Variants in ENOX1 observed in about 807,000 individuals in gnomAD.
The protein encoded by ENOX1 is candidate growth-related and time keeping constitutive hydroquinone (NADH) oxidase.
In ENOX1, 42 loss-of-function variants were observed where a neutral mutation model predicts 82.5. That is an observed-to-expected ratio of 0.51 (90% CI 0.40 to 0.66). The LOEUF (loss-of-function observed/expected upper bound fraction) is 0.66. ENOX1 is among the 30% of genes least tolerant of loss of function. ENOX1 has a pLI of 0.00. For synonymous variants in ENOX1, 271 were observed against 282.2 expected, an observed-to-expected ratio of 0.96 and a Z score of 0.40; for missense variants, 608 against 811.6, an observed-to-expected ratio of 0.75 and a Z score of 3.05.
intron 2 of ENOX1, among the ~76,000 whole-genome samples, chr13:43,649,041 TG>T (rs1308300012): frequency 6.6e-6 from 1 of 152,140 alleles, no homozygotes; most frequent in Non-Finnish European, 1.5e-5. Context: ...ATGACAAAAA[TG>T]TCAAAGCGTG....
chr13:43,233,184 G>A (rs746746326), intron 15 of ENOX1, among the ~76,000 whole-genome samples: 2 of 152,108 alleles, frequency 1.3e-5, no homozygotes, highest in African/African-American at 2.4e-5. Flanking sequence ...ACCCTGCAAT[G>A]CCCCCATAAA....
In ENOX1 at chr13:43,298,356, C is replaced by T; in HGVS notation, c.1436G>A (p.Gly479Asp). 2 of 1,608,168 alleles carry T rather than the reference C, an allele frequency of 1.2e-6. No homozygotes were observed. Among genetic ancestry groups the T allele is most frequent in the Admixed American group, 1.7e-5 (1 of 59,452 alleles). The change falls in exon 12 of 17, where the codon GGC (glycine) becomes GAC (aspartate). Residue 479 changes from glycine (G) to aspartate (D), a missense_variant. Transcript: ENST00000690772. ...QLQFLQQTMQ[G>D]MQQQLLTIQE... ...ATCTGGGCCAGGTACCTGCTGCATGCCTTGCATGGTTTGCTGCAGAAACTG... is the reference window on the plus strand; with the variant it reads ...ATCTGGGCCAGGTACCTGCTGCATGTCTTGCATGGTTTGCTGCAGAAACTG...
Position 43,389,328 on chromosome 13 carries a change from C to CA in ENOX1, c.208+22587dup, listed in dbSNP as rs1330006636. Among the ~76,000 whole-genome samples the CA allele has an allele frequency of 1.7e-4, 26 of 152,066 alleles. 1 individual carries two copies. Among genetic ancestry groups the CA allele is most frequent in the Admixed American group, 1.7e-3 (26 of 15,262 alleles). On this transcript the variant is annotated intron_variant, in intron 5 of 16. Transcript: ENST00000690772. ...GCTCAAAGACTACCAACAGAGTAGT[C>CA]AAAGTAATGGAAGCAGATGTGTGAT...
intron 1 of ENOX1, among the ~76,000 whole-genome samples, chr13:43,735,158 G>A (rs142827493): frequency 2.0e-5 from 3 of 152,266 alleles, no homozygotes; most frequent in African/African-American, 7.2e-5. Flanking sequence ...ATATTACCAT[G>A]TTATAAAATC....
At chr13:43,397,429 C>A (rs2153586632) in intron 5 of ENOX1, among the ~76,000 whole-genome samples, 1 of 152,324 alleles carries the variant, frequency 6.6e-6, no homozygotes, top group South Asian at 2.1e-4. Context: ...AGACTGGAGT[C>A]ACCTCACATT....
intron 3 of ENOX1, among the ~76,000 whole-genome samples, chr13:43,469,923 G>A (rs957110916): frequency 1.3e-5 from 2 of 151,672 alleles, no homozygotes; most frequent in Non-Finnish European, 2.9e-5. Flanking sequence ...GATATATAAA[G>A]AGCTACAAAA....
At position 43,269,545 on chromosome 13, in the gene ENOX1, G is replaced by C. The variant is rs2044571055; in HGVS notation, c.1479C>G (p.Asn493Lys). Reference sequence around the variant, plus strand: ...TTGCTTGTTCCAATTCTGACTTTTTGTTGTTTAACTCCTCCTGGATGGTTA... The same window carrying C: ...TTGCTTGTTCCAATTCTGACTTTTTCTTGTTTAACTCCTCCTGGATGGTTA... ...QLLTIQEELN[N>K]KKSELEQAKE... Residue 493 changes from asparagine (N) to lysine (K), a missense_variant, in exon 13 of 17, where the codon AAC (asparagine) becomes AAG (lysine). Transcript: ENST00000690772. 2 of 1,613,838 alleles carry C rather than the reference G, an allele frequency of 1.2e-6. No individual in the cohort carries two copies. The highest frequency in any genetic ancestry group is 1.7e-6 in the Non-Finnish European group (2 of 1,179,810).
chr13:43,354,785 C>T (rs2050044527), intron 8 of ENOX1, among the ~76,000 whole-genome samples: 1 of 152,222 alleles, frequency 6.6e-6, no homozygotes, highest in Admixed American at 6.5e-5. Flanking sequence ...ATGCTGAATT[C>T]CTTTCTGCTT....
At chr13:43,623,559 A>G (rs1297381089) in intron 2 of ENOX1, among the ~76,000 whole-genome samples, 1 of 152,118 alleles carries the variant, frequency 6.6e-6, no homozygotes, top group Non-Finnish European at 1.5e-5. Flanking sequence ...GGATGGTCTC[A>G]CTTTCACGGT....
intron 3 of ENOX1, among the ~76,000 whole-genome samples, chr13:43,428,528 G>A (rs1233410911): frequency 2.0e-5 from 3 of 152,136 alleles, no homozygotes; most frequent in Admixed American, 1.3e-4. Flanking sequence ...TGAGTGAGGC[G>A]GATGGCAAAG....
rs941415111 is a variant in ENOX1, at chr13:43,344,644, G to T, written c.930C>A (p.Ala310=). The T allele has an allele frequency of 1.4e-5, 22 of 1,613,906 alleles. No individual in the cohort carries two copies. The highest frequency in any genetic ancestry group is 1.9e-5 in the Non-Finnish European group (22 of 1,180,020). Residue 310 remains alanine, a synonymous_variant, in exon 9 of 17, where the codon GCC becomes GCA. Transcript: ENST00000690772. ...TCATTAGCCGGCGGACGTGGCTGTT[G>T]GCCGACTGCACCATGGAATAGAACT... The part of the protein sequence containing the change: ...ANQFYSMVQS[A]NSHVRRLMNE...
intron 3 of ENOX1, among the ~76,000 whole-genome samples, chr13:43,421,454 C>T (rs1343258609): frequency 6.6e-6 from 1 of 152,166 alleles, no homozygotes. Flanking sequence ...CTTGGAGTTA[C>T]ATCCCAATGG....
chr13:43,764,129 C>T (rs753336069), intron 1 of ENOX1, among the ~76,000 whole-genome samples: 12 of 152,304 alleles, frequency 7.9e-5, no homozygotes, highest in Middle Eastern at 3.4e-3. Context: ...TTTGCCAAAA[C>T]GAGGTCAGTG....
intron 1 of ENOX1, among the ~76,000 whole-genome samples, chr13:43,679,792 C>T (rs56323657): frequency 0.029 from 4,417 of 152,290 alleles, 96 homozygotes; most frequent in Non-Finnish European, 0.045. Context: ...ACAATGCATC[C>T]TTTGCCTTCA....
intron 3 of ENOX1, among the ~76,000 whole-genome samples, chr13:43,451,775 C>T (rs949085652): frequency 6.6e-6 from 1 of 152,150 alleles, no homozygotes; most frequent in Non-Finnish European, 1.5e-5. Context: ...AAATAATAAA[C>T]CTTTCTCATA....
At chr13:43,223,941 A>C (rs9533433) in intron 16 of ENOX1, 112 bp downstream of exon 16, 165,133 of 711,596 alleles carry the variant, frequency 0.23, 21,288 homozygotes, top group Non-Finnish European at 0.27. Context: ...AGGGCTGATC[A>C]ACCCCCATAG....
chr13:43,360,958 A>G (rs2050463241), intron 6 of ENOX1, among the ~76,000 whole-genome samples: 1 of 152,182 alleles, frequency 6.6e-6, no homozygotes, highest in Non-Finnish European at 1.5e-5. Context: ...ATTTGTGAAG[A>G]TGGATGGAAA....
intron 5 of ENOX1, among the ~76,000 whole-genome samples, chr13:43,388,429 TG>T (rs1236106915): frequency 6.6e-6 from 1 of 152,204 alleles, no homozygotes; most frequent in Non-Finnish European, 1.5e-5. Context: ...CATTACTCTT[TG>T]GGGTAAAACC....
intron 2 of ENOX1, among the ~76,000 whole-genome samples, chr13:43,495,873 G>T (rs921513064): frequency 6.6e-6 from 1 of 151,868 alleles, no homozygotes; most frequent in Non-Finnish European, 1.5e-5. Flanking sequence ...TCTTTTTCTT[G>T]TGGATGTGAA....
Sources: gnomAD v4.1 joint callset for allele counts (sites outside exome capture counted in the v4.1 genomes callset) on GRCh38, gnomAD v4.1.1 for gene constraint, MANE v1.5 for transcripts, NCBI Gene and HGNC (gene_info 2026-07-23, HGNC 2026-07-21) for gene names.